The following EPB41L5 variants were observed in gnomAD, a reference collection of about 807,000 sequenced individuals.
EPB41L5 encodes the protein band 4.1-like protein 5.
A neutral mutation model predicts 106.6 loss-of-function variants in EPB41L5; 55 were observed. The ratio of observed to expected loss-of-function variants is 0.52; its 90% CI spans 0.42 to 0.65. The LOEUF is 0.65. Among genes scored for constraint, EPB41L5 ranks in the 30% least tolerant of loss-of-function variants. The pLI is 0.00. For synonymous variants in EPB41L5, 297 were observed against 306.7 expected (o/e 0.97, Z 0.33); for missense variants, 871 against 882.1 (o/e 0.99, Z 0.16).
intron 1 of EPB41L5, 53 bp downstream of exon 1, chr2:120,013,263 C>G (rs1488337935): frequency 6.6e-6 from 1 of 151,888 alleles, no homozygotes; most frequent in Non-Finnish European, 1.5e-5. Flanking sequence ...GCGCTCCTAG[C>G]CGAGTGGACC....
chr2:120,051,630 C>A (rs1449554459), intron 3 of EPB41L5, among the ~76,000 whole-genome samples: 1 of 152,358 alleles, frequency 6.6e-6, no homozygotes, highest in South Asian at 2.1e-4. Flanking sequence ...AATTCCCTGA[C>A]TCCTTGCGCT....
intron 3 of EPB41L5, among the ~76,000 whole-genome samples, chr2:120,055,091 G>A (rs1036459418): frequency 6.6e-6 from 1 of 152,108 alleles, no homozygotes; most frequent in East Asian, 1.9e-4. Context: ...TCCCAAACTC[G>A]ACCTCAGGCA....
intron 24 of EPB41L5, among the ~76,000 whole-genome samples, chr2:120,169,617 C>A (rs554705046): frequency 6.6e-6 from 1 of 152,176 alleles, no homozygotes; most frequent in Non-Finnish European, 1.5e-5. Flanking sequence ...TCTCTCACCC[C>A]CTTCCCTTCT....
chr2:120,040,039 A>G lies in EPB41L5; in HGVS notation c.181-1967A>G, dbSNP rs555928138. ...GTTTTAAATGTAATTTTGTCATATT[A>G]CTAAAGCTTTCTGAACTTTTGTCTG... On this transcript the variant is annotated intron_variant, in intron 2 of 24. Transcript: ENST00000263713. Among the ~76,000 whole-genome samples the G allele has an allele frequency of 1.1e-4, 17 of 151,372 alleles. No homozygotes were observed. The South Asian group carries it at 3.5e-3, about 31-fold the overall frequency.
chr2:120,056,535 G>A (rs1405141664), intron 3 of EPB41L5, among the ~76,000 whole-genome samples: 1 of 152,104 alleles, frequency 6.6e-6, no homozygotes, highest in Non-Finnish European at 1.5e-5. Flanking sequence ...CTGTATGCAA[G>A]CGATCCTTTT....
chr2:120,022,362 T>C (rs927058797), intron 2 of EPB41L5, among the ~76,000 whole-genome samples: 1 of 141,428 alleles, frequency 7.1e-6, no homozygotes, highest in Non-Finnish European at 1.5e-5. Flanking sequence ...GGCCCTGGTG[T>C]GTGATGTTCT....
At position 120,106,608 on chromosome 2, in the gene EPB41L5, G is replaced by A. The variant is rs11884552; in HGVS notation, c.1337+5794G>A. On this transcript the variant is annotated intron_variant, in intron 16 of 24. Transcript: ENST00000263713. ...CATCAGTACAGAACTTAAGTATTAT[G>A]TCATTTAATTTACAGTGCTTTGGCT... The A allele has an allele frequency of 6.2e-5, 61 of 984,794 alleles. No homozygotes were observed. The African/African-American group carries it at 9.3e-4, about 15-fold the overall frequency. The allele number at this position is 984,794 out of a possible 1,614,324, so 61.0% of individuals were successfully genotyped here.
intron 2 of EPB41L5, among the ~76,000 whole-genome samples, chr2:120,041,064 G>A (rs1045919949): frequency 2.6e-5 from 4 of 152,090 alleles, no homozygotes; most frequent in African/African-American, 9.7e-5. Flanking sequence ...AAAATTTTAA[G>A]TATTTATTAA....
chr2:120,049,590 G>C (rs1680073629), intron 3 of EPB41L5, among the ~76,000 whole-genome samples: 1 of 152,098 alleles, frequency 6.6e-6, no homozygotes, highest in Non-Finnish European at 1.5e-5. Context: ...CCTGAATACA[G>C]TACACTGGGG....
intron 3 of EPB41L5, among the ~76,000 whole-genome samples, chr2:120,070,845 A>G (rs1681813197): frequency 6.6e-6 from 1 of 152,210 alleles, no homozygotes; most frequent in Non-Finnish European, 1.5e-5. Context: ...TCTCAAAATA[A>G]TAAGAGCTAT....
At chr2:120,103,251 T>TG (rs1187507686) in intron 16 of EPB41L5, among the ~76,000 whole-genome samples, 6 of 152,238 alleles carry the variant, frequency 3.9e-5, no homozygotes, top group Non-Finnish European at 8.8e-5. Flanking sequence ...CACAAGACTT[T>TG]GATTTGCTTT....
In EPB41L5 at chr2:120,177,762, G is replaced by C. The variant is rs1344956002; in HGVS notation, c.*2855G>C. ...AAAACTTTTAAAAATATTTCTTATAGTCTCCTAACATTTGTCTCTAGCCTT... is the reference window on the plus strand; with the variant it reads ...AAAACTTTTAAAAATATTTCTTATACTCTCCTAACATTTGTCTCTAGCCTT... On this transcript the variant is annotated 3_prime_UTR_variant, in exon 25 of 25. Transcript: ENST00000263713. 6.6e-6 allele frequency: 1 copy of C among 152,146 alleles called. No homozygotes were observed. Among genetic ancestry groups the C allele is most frequent in the East Asian group, 1.9e-4 (1 of 5,200 alleles). The allele number at this position is 152,146 out of a possible 1,614,324, so 9.4% of individuals were successfully genotyped here.
intron 20 of EPB41L5, among the ~76,000 whole-genome samples, chr2:120,149,536 C>T (rs935005705): frequency 1.3e-5 from 2 of 152,150 alleles, no homozygotes; most frequent in African/African-American, 2.4e-5. Context: ...TTTCCAGGGT[C>T]ATCCATACTG....
chr2:120,089,317 T>TAACC (rs1558864872), intron 11 of EPB41L5, among the ~76,000 whole-genome samples: 2 of 152,226 alleles, frequency 1.3e-5, no homozygotes, highest in East Asian at 3.9e-4. Flanking sequence ...AACTAAAGTC[T>TAACC]AACCCCCTGA....
rs535304454 is a variant in EPB41L5, at chr2:120,130,564, C to T, written c.1502-1054C>T. On this transcript the variant is annotated intron_variant, in intron 17 of 24. Coordinates refer to ENST00000263713, the MANE Select transcript of EPB41L5 (RefSeq NM_020909.4). ...TGGAGTAATTTGAAGCATAATAAAA[C>T]CAGGAGATGGCAATTAAGTAAATGG... Among the ~76,000 whole-genome samples the T allele has an allele frequency of 4.6e-5, 7 of 152,224 alleles. No homozygotes were observed. The South Asian group carries it at 1.2e-3, about 27-fold the overall frequency.
At chr2:120,069,177 G>T in intron 3 of EPB41L5, among the ~76,000 whole-genome samples, 1 of 132,872 alleles carries the variant, frequency 7.5e-6, no homozygotes, top group Non-Finnish European at 1.6e-5. Flanking sequence ...AGCAGGGGTT[G>T]CAATCCTAGG....
chr2:120,021,372 C>T (rs1224603350), intron 2 of EPB41L5, among the ~76,000 whole-genome samples: 1 of 151,618 alleles, frequency 6.6e-6, no homozygotes, highest in Non-Finnish European at 1.5e-5. Context: ...GGGCCAGGTG[C>T]AGTGGCTCAC....
intron 2 of EPB41L5, among the ~76,000 whole-genome samples, chr2:120,035,095 A>G (rs984754140): frequency 6.6e-6 from 1 of 152,160 alleles, no homozygotes; most frequent in African/African-American, 2.4e-5. Context: ...TGTTTTCTCT[A>G]GGTAATTACA....
chr2:120,015,678 C>G (rs934087988), intron 1 of EPB41L5, among the ~76,000 whole-genome samples: 3 of 151,890 alleles, frequency 2.0e-5, no homozygotes, highest in African/African-American at 7.3e-5. Context: ...GTGCCTCATG[C>G]GTGTAATCCC....
Sources: gnomAD v4.1 joint callset for allele counts (sites outside exome capture counted in the v4.1 genomes callset) on GRCh38, gnomAD v4.1.1 for gene constraint, MANE v1.5 for transcripts, NCBI Gene and HGNC (gene_info 2026-07-23, HGNC 2026-07-21) for gene names.